DSCAM: variants seen among roughly 807,000 people sequenced by gnomAD.
The protein encoded by DSCAM is DS cell adhesion molecule.
Under a neutral mutation model 217.7 loss-of-function variants are expected in DSCAM, and 47 were observed. The ratio of observed to expected loss-of-function variants is 0.22; its 90% CI spans 0.17 to 0.28. The LOEUF (loss-of-function observed/expected upper bound fraction) is 0.28. Among genes scored for constraint, DSCAM ranks in the 10% least tolerant of loss-of-function variants. The pLI, the probability that DSCAM is intolerant of heterozygous loss-of-function variation, is 1.00. For synonymous variants in DSCAM, 1,056 were observed against 1,015.3 expected (o/e 1.04, Z -0.76); for missense variants, 2,080 against 2,618.3 (o/e 0.79, Z 4.49).
chr21:40,735,433 T>C (rs1429280678), intron 1 of DSCAM, among the ~76,000 whole-genome samples: 1 of 152,172 alleles, frequency 6.6e-6, no homozygotes, highest in Non-Finnish European at 1.5e-5. Context: ...GTGCATGTTT[T>C]AGAAAGCAAG....
intron 8 of DSCAM, among the ~76,000 whole-genome samples, chr21:40,315,997 T>A (rs1360887474): frequency 6.6e-6 from 1 of 152,222 alleles, no homozygotes; most frequent in Non-Finnish European, 1.5e-5. Flanking sequence ...GGGAGCACAT[T>A]GCCCTTAGTA....
At chr21:40,635,928 G>C (rs2089752652) in intron 3 of DSCAM, among the ~76,000 whole-genome samples, 1 of 152,036 alleles carries the variant, frequency 6.6e-6, no homozygotes, top group Admixed American at 6.5e-5. Flanking sequence ...TTTTCTTAAG[G>C]CATTTTAAAA....
intron 3 of DSCAM, among the ~76,000 whole-genome samples, chr21:40,578,481 CACTCTGTAAAATGGACCAATCAGT>C (rs1400683236): frequency 1.2e-3 from 76 of 65,946 alleles, no homozygotes; most frequent in East Asian, 7.0e-3. Context: ...GACCAATCAG[CACTCTGTAAAATGGACCAATCAGT>C]GCTCTGTAAA....
At chr21:40,378,286 C>T (rs1481898729) in intron 3 of DSCAM, among the ~76,000 whole-genome samples, 1 of 152,188 alleles carries the variant, frequency 6.6e-6, no homozygotes, top group South Asian at 2.1e-4. Flanking sequence ...TCTTTTCATA[C>T]AGGAGATTAG....
chr21:40,715,751 T>G (rs2090835023), intron 1 of DSCAM, among the ~76,000 whole-genome samples: 1 of 152,228 alleles, frequency 6.6e-6, no homozygotes. Context: ...TTGTTAGGAA[T>G]GAGGTAACTG....
At chr21:40,386,227 T>C (rs1029851173) in intron 3 of DSCAM, among the ~76,000 whole-genome samples, 1 of 152,236 alleles carries the variant, frequency 6.6e-6, no homozygotes, top group African/African-American at 2.4e-5. Context: ...TAAAAATGTG[T>C]ATATTTTTCA....
intron 1 of DSCAM, 69 bp downstream of exon 1, chr21:40,846,550 A>G: frequency 1.2e-5 from 2 of 163,412 alleles, no homozygotes; most frequent in Non-Finnish European, 2.4e-5. Context: ...ATCCAATGCC[A>G]CCCCCCACCC....
chr21:40,535,152 A>T (rs1255513059), intron 3 of DSCAM, among the ~76,000 whole-genome samples: 3 of 152,212 alleles, frequency 2.0e-5, no homozygotes. Flanking sequence ...CTTAAAATGG[A>T]TACAATGACA....
chr21:40,301,481 A>G (rs1401376539), intron 9 of DSCAM, among the ~76,000 whole-genome samples: 1 of 151,116 alleles, frequency 6.6e-6, no homozygotes, highest in South Asian at 2.1e-4. Context: ...TGTCTGTTTA[A>G]TAAGTTCCCA....
Position 40,638,917 on chromosome 21 carries a change from GT to G in DSCAM, c.508+53892del, listed in dbSNP as rs373613436. The stretch of plus-strand genomic sequence containing the variant: ...AAAATAGAAGGAGGCCCTTCTCCCT[GT>G]TTTATATTGATAGAATTCTCATTTT... On this transcript the variant is annotated intron_variant, in intron 3 of 32. Transcript: ENST00000400454. Among the ~76,000 whole-genome samples, 29 of 152,208 alleles carry G rather than the reference GT, an allele frequency of 1.9e-4. No homozygotes were observed. In the East Asian group the frequency reaches 2.7e-3, roughly 14 times the overall value.
intron 9 of DSCAM, among the ~76,000 whole-genome samples, chr21:40,303,545 G>A (rs971968589): frequency 2.0e-5 from 3 of 152,062 alleles, no homozygotes; most frequent in Non-Finnish European, 2.9e-5. Context: ...GACATTGTTT[G>A]TTCATTATCT....
chr21:40,347,471 T>C lies in DSCAM; in HGVS notation c.1210+199A>G, dbSNP rs567284622. The stretch of plus-strand genomic sequence containing the variant: ...TTATGTTACTTTACATTACTTCTAA[T>C]ATGAAACAATTTTATTTTCGTCAGA... On this transcript the variant is annotated intron_variant, in intron 6 of 32. Coordinates refer to ENST00000400454, the MANE Select transcript of DSCAM (RefSeq NM_001389.5). 2.0e-5 allele frequency among the ~76,000 whole-genome samples: 3 copies of C among 152,318 alleles called. 1 individual carries two copies. Among genetic ancestry groups the C allele is most frequent in the African/African-American group, 4.8e-5 (2 of 41,574 alleles).
intron 2 of DSCAM, among the ~76,000 whole-genome samples, chr21:40,707,781 A>T (rs927080691): frequency 2.6e-5 from 4 of 152,182 alleles, no homozygotes; most frequent in African/African-American, 7.2e-5. Context: ...ATAGAACCAC[A>T]CAATCTGTCC....
chr21:40,036,023 G>C (rs200971832), intron 32 of DSCAM, among the ~76,000 whole-genome samples: 17,006 of 100,402 alleles, frequency 0.17, 2,146 homozygotes, highest in Middle Eastern at 0.31. Context: ...GCAGTGTATA[G>C]AGGGAAATTT....
At chr21:40,212,379 T>G (rs2091194466) in intron 11 of DSCAM, 1 of 154,108 alleles carries the variant, frequency 6.5e-6, no homozygotes, top group African/African-American at 2.4e-5. Context: ...GAACATGAAT[T>G]TAGTTTTGAT....
chr21:40,370,849 T>C (rs2123702282), intron 3 of DSCAM, among the ~76,000 whole-genome samples: 1 of 152,248 alleles, frequency 6.6e-6, no homozygotes, highest in African/African-American at 2.4e-5. Flanking sequence ...CTTGAACTCA[T>C]GAGCTCAAGT....
intron 1 of DSCAM, among the ~76,000 whole-genome samples, chr21:40,712,849 G>A (rs370010969): frequency 1.5e-4 from 23 of 152,228 alleles, no homozygotes; most frequent in African/African-American, 5.5e-4. Context: ...GGGGGGTACA[G>A]GCGAAAGCCT....
At chr21:40,281,327 T>G (rs1199561423) in intron 10 of DSCAM, among the ~76,000 whole-genome samples, 1 of 152,132 alleles carries the variant, frequency 6.6e-6, no homozygotes, top group African/African-American at 2.4e-5. Context: ...AACAACATTG[T>G]TGTGCTTTCT....
intron 20 of DSCAM, among the ~76,000 whole-genome samples, chr21:40,114,049 T>C (rs1267471786): frequency 6.6e-6 from 1 of 151,832 alleles, no homozygotes; most frequent in South Asian, 2.1e-4. Context: ...CTTCATAGAA[T>C]TGGAAAAAAC....
Sources: allele counts gnomAD v4.1 joint callset (sites outside exome capture counted in the v4.1 genomes callset), GRCh38; gene constraint gnomAD v4.1.1; transcripts MANE v1.5; gene names NCBI Gene and HGNC (gene_info 2026-07-23, HGNC 2026-07-21).